Variants in PTPRD observed in about 807,000 individuals in gnomAD.
The protein encoded by PTPRD is protein tyrosine phosphatase receptor type D.
PTPRD carries 34 observed loss-of-function variants against 214.5 expected under a neutral mutation model. The ratio of observed to expected loss-of-function variants is 0.16; its 90% CI spans 0.12 to 0.21. PTPRD has a LOEUF of 0.21. PTPRD is among the 10% of genes least tolerant of loss of function. PTPRD has a pLI of 1.00. For missense variants in PTPRD, 2,545 were observed against 2,398.7 expected (o/e 1.06, Z -1.27); for synonymous variants, 1,128 against 845.7 (o/e 1.33, Z -5.79).
intron 39 of PTPRD, among the ~76,000 whole-genome samples, chr9:8,342,469 C>A (rs1225929594): frequency 6.6e-6 from 1 of 152,080 alleles, no homozygotes; most frequent in Non-Finnish European, 1.5e-5. Flanking sequence ...ATTTATCAAA[C>A]CCTTCAGGCT....
At chr9:10,142,391 T>C (rs2098991976) in intron 3 of PTPRD, among the ~76,000 whole-genome samples, 1 of 151,848 alleles carries the variant, frequency 6.6e-6, no homozygotes, top group African/African-American at 2.4e-5. Context: ...AAAGGGCTAA[T>C]ATCCAGAATC....
At chr9:9,546,807 TCA>T (rs2078909611) in intron 8 of PTPRD, among the ~76,000 whole-genome samples, 1 of 151,698 alleles carries the variant, frequency 6.6e-6, no homozygotes, top group Non-Finnish European at 1.5e-5. Flanking sequence ...ATCTTGAGAG[TCA>T]TATAATTTAT....
At chr9:10,413,886 G>A (rs1214579190) in intron 2 of PTPRD, among the ~76,000 whole-genome samples, 2 of 152,052 alleles carry the variant, frequency 1.3e-5, no homozygotes, top group African/African-American at 4.8e-5. Context: ...ATATAATGCT[G>A]GGATGACTGG....
chr9:10,169,603 A>C (rs1226164397), intron 3 of PTPRD, among the ~76,000 whole-genome samples: 1 of 152,168 alleles, frequency 6.6e-6, no homozygotes, highest in Non-Finnish European at 1.5e-5. Flanking sequence ...AACTATTTAA[A>C]GGTACTGTAA....
At chr9:8,979,401 C>A (rs1460400917) in intron 11 of PTPRD, among the ~76,000 whole-genome samples, 1 of 152,036 alleles carries the variant, frequency 6.6e-6, no homozygotes, top group Non-Finnish European at 1.5e-5. Flanking sequence ...CTACATCGAA[C>A]TCAGAAGTTT....
intron 3 of PTPRD, among the ~76,000 whole-genome samples, chr9:10,268,315 AATAACG>A (rs936718988): frequency 2.0e-5 from 3 of 149,478 alleles, no homozygotes; most frequent in African/African-American, 7.4e-5. Context: ...TAATAATAAT[AATAACG>A]ATAATAATAA....
At chr9:8,363,898 T>C (rs1034395988) in intron 39 of PTPRD, among the ~76,000 whole-genome samples, 6 of 152,250 alleles carry the variant, frequency 3.9e-5, no homozygotes, top group African/African-American at 1.4e-4. Flanking sequence ...AGGGATTCTC[T>C]TCTGATTTTG....
At chr9:8,452,202 T>A (rs947031337) in intron 33 of PTPRD, among the ~76,000 whole-genome samples, 1 of 152,214 alleles carries the variant, frequency 6.6e-6, no homozygotes, top group African/African-American at 2.4e-5. Flanking sequence ...GAAATCCTAG[T>A]CAAATAGAAA....
At chr9:8,707,462 C>A (rs2098233982) in intron 12 of PTPRD, among the ~76,000 whole-genome samples, 1 of 152,234 alleles carries the variant, frequency 6.6e-6, no homozygotes, top group Non-Finnish European at 1.5e-5. Flanking sequence ...TTTCAAACAT[C>A]CAGCAGAAAG....
chr9:8,365,758 T>A (rs10758961), intron 39 of PTPRD, among the ~76,000 whole-genome samples: 1 of 151,980 alleles, frequency 6.6e-6, no homozygotes, highest in Non-Finnish European at 1.5e-5. Context: ...TCAAAAGGCC[T>A]TGTAGCTTCC....
chr9:8,447,453 T>C (rs2095776676), intron 34 of PTPRD, among the ~76,000 whole-genome samples: 1 of 152,230 alleles, frequency 6.6e-6, no homozygotes, highest in African/African-American at 2.4e-5. Flanking sequence ...ATGGATATAA[T>C]ATTCCCAAAT....
intron 11 of PTPRD, among the ~76,000 whole-genome samples, chr9:9,013,814 C>T (rs1234264195): frequency 1.3e-5 from 2 of 152,094 alleles, no homozygotes; most frequent in Non-Finnish European, 2.9e-5. Flanking sequence ...TTGGTTTAAT[C>T]CTTGGAGTCC....
intron 2 of PTPRD, among the ~76,000 whole-genome samples, chr9:10,483,595 T>A (rs770829430): frequency 1.3e-5 from 2 of 151,500 alleles, no homozygotes; most frequent in Non-Finnish European, 2.9e-5. Flanking sequence ...AATAACCCCA[T>A]GAAAAAGTGG....
At chr9:8,810,222 A>G (rs2096773910) in intron 11 of PTPRD, among the ~76,000 whole-genome samples, 1 of 152,206 alleles carries the variant, frequency 6.6e-6, no homozygotes, top group Non-Finnish European at 1.5e-5. Flanking sequence ...AGTATGATAG[A>G]CTTTGGAAAG....
intron 11 of PTPRD, among the ~76,000 whole-genome samples, chr9:8,907,072 T>A (rs992193321): frequency 5.9e-5 from 9 of 152,056 alleles, no homozygotes; most frequent in Admixed American, 2.0e-4. Context: ...GCAGATGACA[T>A]CATCAGGCAT....
intron 2 of PTPRD, among the ~76,000 whole-genome samples, chr9:10,432,254 G>T (rs1229066402): frequency 1.4e-5 from 2 of 138,680 alleles, no homozygotes; most frequent in African/African-American, 2.7e-5. Flanking sequence ...CATGGACACA[G>T]GAAGGGGAAT....
intron 36 of PTPRD, among the ~76,000 whole-genome samples, chr9:8,394,313 G>T (rs2090476489): frequency 6.6e-6 from 1 of 152,106 alleles, no homozygotes; most frequent in Non-Finnish European, 1.5e-5. Context: ...AAAGCCTTAA[G>T]TCCTGATATT....
At chr9:10,190,099 G>A (rs747157453) in intron 3 of PTPRD, among the ~76,000 whole-genome samples, 1 of 152,050 alleles carries the variant, frequency 6.6e-6, no homozygotes, top group African/African-American at 2.4e-5. Flanking sequence ...AGGCGCGGTG[G>A]GTCACGCCCG....
chr9:10,258,902 G>T (rs2498621), intron 3 of PTPRD, among the ~76,000 whole-genome samples: 6 of 152,240 alleles, frequency 3.9e-5, no homozygotes, highest in African/African-American at 1.4e-4. Flanking sequence ...GAATGGATTT[G>T]TGCAAATAAA....
Sources: gnomAD v4.1 joint callset for allele counts (sites outside exome capture counted in the v4.1 genomes callset) on GRCh38, gnomAD v4.1.1 for gene constraint, MANE v1.5 for transcripts, NCBI Gene and HGNC (gene_info 2026-07-23, HGNC 2026-07-21) for gene names.